EPN2: variants seen among roughly 807,000 people sequenced by gnomAD.
EPN2 encodes epsin-2.
EPN2 carries 34 observed loss-of-function variants against 61.7 expected under a neutral mutation model. The observed-to-expected ratio is 0.55, with a 90% CI of 0.42 to 0.73. The LOEUF (loss-of-function observed/expected upper bound fraction) is 0.73, where lower values mean the gene tolerates loss of function less well. EPN2 is among the 30% of genes least tolerant of loss of function. The pLI is 0.00. For synonymous variants in EPN2, 349 were observed against 353.6 expected (o/e 0.99, Z 0.15); for missense variants, 714 against 839.2 (o/e 0.85, Z 1.84).
chr17:19,239,297 G>A (rs2044856366), intron 1 of EPN2, among the ~76,000 whole-genome samples: 1 of 152,118 alleles, frequency 6.6e-6, no homozygotes, highest in Non-Finnish European at 1.5e-5. Context: ...ACAGGCGCAC[G>A]CCATCCACCA....
intron 1 of EPN2, among the ~76,000 whole-genome samples, chr17:19,254,073 A>C (rs2045046261): frequency 6.6e-6 from 1 of 151,084 alleles, no homozygotes; most frequent in African/African-American, 2.4e-5. Context: ...CGGAGGTAGC[A>C]GTGAGCCATG....
At chr17:19,269,756 G>T (rs931776279) in intron 1 of EPN2, among the ~76,000 whole-genome samples, 3 of 152,206 alleles carry the variant, frequency 2.0e-5, no homozygotes, top group Non-Finnish European at 4.4e-5. Flanking sequence ...TCTACACGTG[G>T]TTGACTTCCA....
chr17:19,283,110 G>A lies in EPN2; in HGVS notation c.-10G>A, dbSNP rs773773407. The A allele has an allele frequency of 1.3e-6, 2 of 1,599,306 alleles. No homozygotes were observed. Among genetic ancestry groups the A allele is most frequent in the Non-Finnish European group, 8.5e-7 (1 of 1,171,232 alleles). On this transcript the variant is annotated 5_prime_UTR_variant, in exon 3 of 11. Transcript: ENST00000314728. This position sits in a 1 kb window ranked among gnomAD's most constrained non-coding sequence, Gnocchi z 7.0. ...TGAAGGGCTTTAAACTTATAACAAA[G>A]AAAATAAAAATGACGACTTCGTCTA...
intron 6 of EPN2, 106 bp from the exon 7 acceptor site, chr17:19,312,999 T>A (rs959264561): frequency 8.2e-7 from 1 of 1,222,480 alleles, no homozygotes; most frequent in African/African-American, 1.5e-5. Flanking sequence ...CCTAGAGGGC[T>A]TCACTGGAGG....
At chr17:19,321,969 G>A (rs1906656991) in intron 7 of EPN2, among the ~76,000 whole-genome samples, 1 of 152,212 alleles carries the variant, frequency 6.6e-6, no homozygotes, top group Admixed American at 6.5e-5. Context: ...GTGTCCTGTT[G>A]CAGGGGGTTA....
intron 1 of EPN2, among the ~76,000 whole-genome samples, chr17:19,245,458 G>T (rs1395247565): frequency 2.0e-5 from 3 of 149,874 alleles, no homozygotes; most frequent in Non-Finnish European, 4.4e-5. Context: ...CTGTTGCCAG[G>T]CTGGAGTGCA....
chr17:19,298,711 T>G (rs907687227), intron 4 of EPN2, among the ~76,000 whole-genome samples: 1 of 152,236 alleles, frequency 6.6e-6, no homozygotes. Context: ...GCTTACTTAA[T>G]TTAACTTGGA....
At chr17:19,251,726 A>G (rs1245668069) in intron 1 of EPN2, among the ~76,000 whole-genome samples, 1 of 152,014 alleles carries the variant, frequency 6.6e-6, no homozygotes, top group Admixed American at 6.6e-5. Context: ...GAGCCACTGC[A>G]CCCGGCCAGG....
intron 4 of EPN2, among the ~76,000 whole-genome samples, chr17:19,287,554 A>G (rs537158839): frequency 6.6e-6 from 1 of 152,274 alleles, no homozygotes; most frequent in Admixed American, 6.5e-5. Flanking sequence ...AGGGTTGAGT[A>G]TAAGGTAAGT....
intron 1 of EPN2, among the ~76,000 whole-genome samples, chr17:19,237,998 G>T (rs938957083): frequency 2.0e-5 from 3 of 152,154 alleles, no homozygotes; most frequent in Non-Finnish European, 2.9e-5. Flanking sequence ...AGCCCGGTCC[G>T]GGCGCCCTCC....
chr17:19,282,361 C>G (rs191824134), intron 2 of EPN2: 6 of 152,168 alleles, frequency 3.9e-5, no homozygotes, highest in African/African-American at 1.4e-4. Flanking sequence ...TCTGGACATT[C>G]GGAAACACAG....
intron 1 of EPN2, among the ~76,000 whole-genome samples, chr17:19,253,036 G>T (rs1402114565): frequency 6.6e-6 from 1 of 152,134 alleles, no homozygotes; most frequent in Non-Finnish European, 1.5e-5. Context: ...CAATTCTGTG[G>T]CATGTGGTAC....
chr17:19,297,884 ATTTTG>A (rs1290273678), intron 4 of EPN2, among the ~76,000 whole-genome samples: 4 of 151,986 alleles, frequency 2.6e-5, no homozygotes, highest in Admixed American at 1.3e-4. Context: ...TCATTTATGT[ATTTTG>A]TTTTGTTTTG....
rs1181621725 is a variant in EPN2 at position 19,334,037 on chromosome 17, G to T, written c.1709G>T (p.Ser570Ile). 8 of 1,606,194 alleles carry T rather than the reference G, an allele frequency of 5.0e-6. No individual in the cohort carries two copies. In the South Asian group the frequency reaches 8.9e-5, roughly 18 times the overall value. Residue 570 changes from serine to isoleucine, a missense_variant, in exon 11 of 11, where the codon AGC becomes ATC. Physicochemically the swap from Ser to Ile is moderately radical, Grantham distance 142 (BLOSUM62 -2). This residue lies in a region of EPN2 where 410 missense variants were observed against 421.8 expected (regional missense o/e 0.97). Coordinates refer to ENST00000314728, the MANE Select transcript of EPN2 (RefSeq NM_014964.5). The surrounding 1 kb of genome is among the most constrained non-coding windows in gnomAD (Gnocchi z 4.9). ...QPLTLNQLRG[S>I]PVLGTSTSFG... ...CTGACACTGAACCAGCTTCGGGGGA[G>T]CCCAGTCCTGGGGACCAGCACATCC...
At chr17:19,321,602 G>C (rs1178410296) in intron 7 of EPN2, among the ~76,000 whole-genome samples, 3 of 152,196 alleles carry the variant, frequency 2.0e-5, no homozygotes, top group Non-Finnish European at 2.9e-5. Context: ...AGTAACCGGG[G>C]CATGTCCCCT....
chr17:19,306,581 A>G (rs1351515745), intron 4 of EPN2, among the ~76,000 whole-genome samples: 1 of 152,254 alleles, frequency 6.6e-6, no homozygotes, highest in Non-Finnish European at 1.5e-5. Flanking sequence ...GTAGACGTAA[A>G]CATGTACATT....
chr17:19,298,504 A>G (rs955447234), intron 4 of EPN2, among the ~76,000 whole-genome samples: 1 of 152,088 alleles, frequency 6.6e-6, no homozygotes, highest in East Asian at 1.9e-4. Flanking sequence ...CACCCGGCCT[A>G]TTTATGTTTT....
intron 1 of EPN2, among the ~76,000 whole-genome samples, chr17:19,258,161 A>G (rs1443229053): frequency 2.0e-5 from 3 of 152,154 alleles, no homozygotes; most frequent in Non-Finnish European, 4.4e-5. Context: ...GCTGGTGCTG[A>G]TGCTGATGCT....
intron 6 of EPN2, 56 bp downstream of exon 6, chr17:19,312,200 A>G (rs1338942162): frequency 1.7e-5 from 21 of 1,266,326 alleles, no homozygotes; most frequent in South Asian, 8.3e-5. Flanking sequence ...TGTTGCCTCA[A>G]TATCCCCCCA....
Sources: gnomAD v4.1 joint callset for allele counts (sites outside exome capture counted in the v4.1 genomes callset) on GRCh38, gnomAD v4.1.1 for gene constraint, gnomAD v4.1.1 regional missense constraint, Gnocchi (gnomAD v3.1) non-coding constraint, MANE v1.5 for transcripts, NCBI Gene and HGNC (gene_info 2026-07-23, HGNC 2026-07-21) for gene names.